JTB: variants seen among roughly 807,000 people sequenced by gnomAD.
JTB encodes the protein jumping translocation breakpoint, also known as protein JTB.
In JTB, 10 loss-of-function variants were observed where a neutral mutation model predicts 22.1. The ratio of observed to expected loss-of-function variants is 0.45; its 90% CI spans 0.28 to 0.77. JTB has a LOEUF of 0.77. Ranked by LOEUF, JTB falls within the 30% of genes least tolerant of loss-of-function variation. The pLI is 0.13. For synonymous variants in JTB, 83 were observed against 66.8 expected, an observed-to-expected ratio of 1.24 and a Z score of -1.18; for missense variants, 137 against 180.3, an observed-to-expected ratio of 0.76 and a Z score of 1.38.
chr1:153,977,142 C>T, intron 1 of JTB, 28 bp downstream of exon 1: 1 of 1,614,056 alleles, frequency 6.2e-7, no homozygotes, highest in Non-Finnish European at 8.5e-7. Flanking sequence ...CAGTGACCTC[C>T]TTTTCCCTCC....
chr1:153,976,923 C>A lies in JTB; in HGVS notation c.121+53G>T, dbSNP rs920754162. The A allele has an allele frequency of 1.1e-5, 18 of 1,610,110 alleles. No individual in the cohort carries two copies. The African/African-American group carries it at 2.3e-4, about 20-fold the overall frequency. On this transcript the variant is annotated intron_variant, in intron 2 of 4. Transcript: ENST00000271843. ...GTGCTCTTGGTATATGGGGAAGATACTAAAACCAAAAACAAACGACGGGAC... is the reference window on the plus strand; with the variant it reads ...GTGCTCTTGGTATATGGGGAAGATAATAAAACCAAAAACAAACGACGGGAC...
rs372969057 is a variant in JTB at position 153,976,686 on chromosome 1, T to A, written c.204+7A>T. On this transcript the variant is annotated splice_region_variant and intron_variant, in intron 3 of 4. Coordinates refer to ENST00000271843, the MANE Select transcript of JTB (RefSeq NM_006694.4). ...AAAAAAAAAAGGGTAGAGAAATAGA[T>A]ACTCACAGCCCGGAAATTAGAGCAT... The A allele has an allele frequency of 2.2e-5, 36 of 1,605,922 alleles. No individual in the cohort carries two copies. The highest frequency in any genetic ancestry group is 2.9e-5 in the Non-Finnish European group (34 of 1,173,996).
chr1:153,974,365 T>C lies in JTB; in HGVS notation c.*314A>G. The stretch of plus-strand genomic sequence containing the variant: ...AATAAACGTTTTAGCTGAAATTGTA[T>C]CCCAGAAGTTTGAAATAAGTAGTAG... On this transcript the variant is annotated 3_prime_UTR_variant, in exon 5 of 5. Transcript: ENST00000271843. The C allele has an allele frequency of 2.4e-6, 1 of 417,748 alleles. No individual in the cohort carries two copies. The highest frequency in any genetic ancestry group is 4.3e-6 in the Non-Finnish European group (1 of 233,364). 25.9% of individuals were successfully genotyped at this position (417,748 alleles called of 1,614,324 possible). A position where few individuals can be genotyped will look rare whatever the true frequency, so the allele number is the denominator to read the frequency against.
At position 153,977,103 on chromosome 1, in the gene JTB, G is replaced by C. The variant is rs192375713; in HGVS notation, c.83+67C>G. 6 of 1,613,854 alleles carry C rather than the reference G, an allele frequency of 3.7e-6. No individual in the cohort carries two copies. The South Asian group carries it at 6.6e-5, about 18-fold the overall frequency. On this transcript the variant is annotated intron_variant, in intron 1 of 4. Coordinates refer to ENST00000271843, the MANE Select transcript of JTB (RefSeq NM_006694.4). The stretch of plus-strand genomic sequence containing the variant: ...CTGTCCATGGATAAGATCTCCCCCA[G>C]CCCCGAGGCCGGGAACGATCCTGTC...
In JTB at chr1:153,976,953, C is replaced by T. The variant is rs754574305; in HGVS notation, c.121+23G>A. 14 of 1,614,016 alleles carry T rather than the reference C, an allele frequency of 8.7e-6. No homozygotes were observed. In the East Asian group the frequency reaches 1.6e-4, roughly 18 times the overall value. ...ACCAAAAACAAACGACGGGACGTGTCGGGTTCCCAGACAATCACCCACCTG... is the reference window on the plus strand; with the variant it reads ...ACCAAAAACAAACGACGGGACGTGTTGGGTTCCCAGACAATCACCCACCTG... On this transcript the variant is annotated intron_variant, in intron 2 of 4. Transcript: ENST00000271843.
At chr1:153,975,754 A>G in intron 4 of JTB, 72 bp downstream of exon 4, 2 of 1,200,568 alleles carry the variant, frequency 1.7e-6, no homozygotes, top group Non-Finnish European at 2.5e-6. Context: ...AGACCAGGGG[A>G]AAAGGTGGGA....
chr1:153,975,254 G>A (rs1648753184), intron 4 of JTB, among the ~76,000 whole-genome samples: 1 of 151,650 alleles, frequency 6.6e-6, no homozygotes, highest in African/African-American at 2.4e-5. Flanking sequence ...CCAAGTAGCT[G>A]GGATTACAGG....
chr1:153,975,717 T>C, intron 4 of JTB, 109 bp downstream of exon 4: 1 of 865,502 alleles, frequency 1.2e-6, no homozygotes, highest in Non-Finnish European at 1.9e-6. Flanking sequence ...CGGCCCCCTC[T>C]TCTTTCAGAT....
rs932540995 is a variant in JTB, at chr1:153,977,519, G to C, written c.-267C>G. On this transcript the variant is annotated 5_prime_UTR_variant, in exon 1 of 5. Coordinates refer to ENST00000271843, the MANE Select transcript of JTB (RefSeq NM_006694.4). ...GGCGCTGGAGGAAGGGCCGGCGGGG[G>C]CTCGCGGCCCTAGCGCCCGCTCACC... 8.5e-7 allele frequency: 1 copy of C among 1,179,334 alleles called. No individual in the cohort carries two copies. Among genetic ancestry groups the C allele is most frequent in the East Asian group, 4.6e-5 (1 of 21,516 alleles). The allele number at this position is 1,179,334 out of a possible 1,614,324, so 73.1% of individuals were successfully genotyped here. A position where few individuals can be genotyped will look rare whatever the true frequency, so the allele number is the denominator to read the frequency against.
At chr1:153,976,577 GAAGA>G (rs1648802677) in intron 3 of JTB, 112 bp downstream of exon 3, 2 of 863,612 alleles carry the variant, frequency 2.3e-6, no homozygotes, top group Non-Finnish European at 3.7e-6. Context: ...GAGACTGCAA[GAAGA>G]AAGAAAAAAA....
In JTB at chr1:153,977,504, G is replaced by A. The variant is rs577764411; in HGVS notation, c.-252C>T. 8.3e-7 allele frequency: 1 copy of A among 1,207,190 alleles called. No individual in the cohort carries two copies. Among genetic ancestry groups the A allele is most frequent in the Non-Finnish European group, 1.0e-6 (1 of 966,306 alleles). The allele number at this position is 1,207,190 out of a possible 1,614,324, so 74.8% of individuals were successfully genotyped here. On this transcript the variant is annotated 5_prime_UTR_variant, in exon 1 of 5. Transcript: ENST00000271843. ...CTGCGGGGTCCGCAGGGCGCTGGAG[G>A]AAGGGCCGGCGGGGGCTCGCGGCCC...
At position 153,975,876 on chromosome 1, in the gene JTB, T is replaced by A. The variant is rs1003180750; in HGVS notation, c.234A>T (p.Gly78=). The A allele has an allele frequency of 2.5e-6, 4 of 1,613,956 alleles. No homozygotes were observed. In the African/African-American group the frequency reaches 4.0e-5, roughly 16 times the overall value. ...AKTTPECGPT[G]YVEKITCSSS... ...AGCTGCATGTGATTTTCTCTACATA[T>A]CCTGTGGGACCACACTCAGGGGTAG... The change falls in exon 4 of 5, where the codon GGA becomes GGT. Residue 78 remains glycine, a synonymous_variant. Transcript: ENST00000271843.
At chr1:153,976,955 G>A (rs1174910733) in intron 2 of JTB, 21 bp downstream of exon 2, 1 of 1,614,138 alleles carries the variant, frequency 6.2e-7, no homozygotes, top group South Asian at 1.1e-5. Context: ...GGACGTGTCG[G>A]GTTCCCAGAC....
intron 4 of JTB, among the ~76,000 whole-genome samples, 187 bp from the exon 5 acceptor site, chr1:153,975,022 G>C (rs1648737511): frequency 6.6e-6 from 1 of 152,208 alleles, no homozygotes; most frequent in Non-Finnish European, 1.5e-5. Context: ...AGCAGAGCTA[G>C]TATTAACCAA....
Position 153,975,842 on chromosome 1 carries a change from T to C in JTB, c.268A>G (p.Arg90Gly). The change falls in exon 4 of 5, where the codon AGA (arginine) becomes GGA (glycine). Residue 90 changes from arginine to glycine, a missense_variant. Physicochemically the swap from Arg to Gly is moderately radical, Grantham distance 125. Coordinates refer to ENST00000271843, the MANE Select transcript of JTB (RefSeq NM_006694.4). ...VEKITCSSSK[R>G]NEFKSCRSAL... ...AGCACTCACCTTTTGAACTCATTTC[T>C]CTTAGATGAGCTGCATGTGATTTTC... 10 of 1,613,990 alleles carry C rather than the reference T, an allele frequency of 6.2e-6. No individual in the cohort carries two copies. The highest frequency in any genetic ancestry group is 8.5e-6 in the Non-Finnish European group (10 of 1,179,848).
intron 4 of JTB, 135 bp from the exon 5 acceptor site, chr1:153,974,970 T>C: frequency 1.3e-6 from 1 of 766,770 alleles, no homozygotes; most frequent in Non-Finnish European, 2.0e-6. Flanking sequence ...GTATAGTACA[T>C]AAATCCCTCT....
chr1:153,977,122 TC>T, intron 1 of JTB, 47 bp downstream of exon 1: 1 of 1,613,942 alleles, frequency 6.2e-7, no homozygotes, highest in Non-Finnish European at 8.5e-7. Flanking sequence ...CCGGGAACGA[TC>T]CTGTCCTCCA....
Position 153,977,503 on chromosome 1 carries a change from G to A in JTB, c.-251C>T. On this transcript the variant is annotated 5_prime_UTR_variant, in exon 1 of 5. Coordinates refer to ENST00000271843, the MANE Select transcript of JTB (RefSeq NM_006694.4). ...TCTGCGGGGTCCGCAGGGCGCTGGA[G>A]GAAGGGCCGGCGGGGGCTCGCGGCC... 1 of 1,212,390 alleles carries A rather than the reference G, an allele frequency of 8.2e-7. No homozygotes were observed. The highest frequency in any genetic ancestry group is 1.0e-6 in the Non-Finnish European group (1 of 969,322). 75.1% of individuals were successfully genotyped at this position (1,212,390 alleles called of 1,614,324 possible). A position where few individuals can be genotyped will look rare whatever the true frequency, so the allele number is the denominator to read the frequency against.
chr1:153,974,568 AAG>A lies in JTB; in HGVS notation c.*109_*110del. On this transcript the variant is annotated 3_prime_UTR_variant, in exon 5 of 5. Transcript: ENST00000271843. ...TGATCTGAAAGAAGAAGATGGGGAA[AAG>A]GGGATTCCACCACAAGGCTCCAAAG... is the stretch of plus-strand genomic sequence containing the variant. The A allele has an allele frequency of 1.2e-6, 1 of 852,738 alleles. No homozygotes were observed. The highest frequency in any genetic ancestry group is 1.8e-6 in the Non-Finnish European group (1 of 546,068). The allele number at this position is 852,738 out of a possible 1,614,324, so 52.8% of individuals were successfully genotyped here. A position where few individuals can be genotyped will look rare whatever the true frequency, so the allele number is the denominator to read the frequency against.
Sources: gnomAD v4.1 joint callset for allele counts (sites outside exome capture counted in the v4.1 genomes callset) on GRCh38, gnomAD v4.1.1 for gene constraint, MANE v1.5 for transcripts, NCBI Gene and HGNC (gene_info 2026-07-23, HGNC 2026-07-21) for gene names.